The following TECTA variants were observed in gnomAD, a reference collection of about 807,000 sequenced individuals.
TECTA encodes tectorin alpha, also known as alpha-tectorin.
TECTA carries 128 observed loss-of-function variants against 216.8 expected under a neutral mutation model. That is an observed-to-expected ratio of 0.59 (90% CI 0.51 to 0.68). The LOEUF is 0.68. Ranked by LOEUF, TECTA falls within the 30% of genes least tolerant of loss-of-function variation. TECTA has a pLI of 0.00. For missense variants in TECTA, 2,551 were observed against 2,786.2 expected (o/e 0.92, Z 1.90); for synonymous variants, 1,089 against 1,117.1 (o/e 0.97, Z 0.50).
chr11:121,182,092 C>T (rs1947235384), intron 20 of TECTA, among the ~76,000 whole-genome samples: 1 of 152,128 alleles, frequency 6.6e-6, no homozygotes, highest in Non-Finnish European at 1.5e-5. Flanking sequence ...GCCAGATGGG[C>T]CAGTCCTCGG....
At chr11:121,104,704 C>T (rs796989836) in intron 2 of TECTA, among the ~76,000 whole-genome samples, 5 of 152,122 alleles carry the variant, frequency 3.3e-5, no homozygotes, top group African/African-American at 1.2e-4. Flanking sequence ...CCTATTGCTT[C>T]CATCAGCACA....
chr11:121,117,226 T>C (rs1191422088), intron 6 of TECTA, among the ~76,000 whole-genome samples: 3 of 152,242 alleles, frequency 2.0e-5, no homozygotes, highest in East Asian at 3.8e-4. Flanking sequence ...TTTTATAACA[T>C]CGCTGTTCTC....
intron 12 of TECTA, 82 bp downstream of exon 12, chr11:121,146,198 A>T (rs1946837519): frequency 6.5e-7 from 1 of 1,530,754 alleles, no homozygotes; most frequent in Non-Finnish European, 8.9e-7. Context: ...AACTCCCTAG[A>T]AGTCAGAGCA....
chr11:121,147,513 G>T (rs1946849770), intron 12 of TECTA, among the ~76,000 whole-genome samples: 1 of 151,734 alleles, frequency 6.6e-6, no homozygotes, highest in Non-Finnish European at 1.5e-5. Context: ...TGACGGTCCT[G>T]ACAAACCGGC....
At chr11:121,123,518 C>A (rs189263669) in intron 7 of TECTA, among the ~76,000 whole-genome samples, 22 of 152,336 alleles carry the variant, frequency 1.4e-4, no homozygotes, top group African/African-American at 5.3e-4. Context: ...CTAATCTCAA[C>A]TTCCTTCAAT....
Position 121,190,965 on chromosome 11 carries a change from C to T in TECTA, c.*159C>T. On this transcript the variant is annotated 3_prime_UTR_variant, in exon 24 of 24. Transcript: ENST00000392793. ...TGGTCCAAGGTCCAGAAACCAGCGA[C>T]CATCCAAGCTCCTCTTTCAGAGTAT... 1 of 614,894 alleles carries T rather than the reference C, an allele frequency of 1.6e-6. No individual in the cohort carries two copies. The highest frequency in any genetic ancestry group is 1.7e-5 in the South Asian group (1 of 58,342). The allele number at this position is 614,894 out of a possible 1,614,324, so 38.1% of individuals were successfully genotyped here.
chr11:121,150,901 C>T lies in TECTA; in HGVS notation c.4106-1980C>T, dbSNP rs535558686. On this transcript the variant is annotated intron_variant, in intron 12 of 23. Transcript: ENST00000392793. ...CCTCATGATCCACCTGCCTCGGCCTCCCAAAGTGCTGGGATTACAGGCGTG... is the reference window on the plus strand; with the variant it reads ...CCTCATGATCCACCTGCCTCGGCCTTCCAAAGTGCTGGGATTACAGGCGTG... 4.2e-3 allele frequency among the ~76,000 whole-genome samples: 634 copies of T among 152,204 alleles called. 2 individuals carry two copies. Among genetic ancestry groups the T allele is most frequent in the Non-Finnish European group, 6.8e-3 (461 of 68,006 alleles).
chr11:121,159,199 T>TA (rs1359059177), intron 14 of TECTA, among the ~76,000 whole-genome samples: 1 of 152,224 alleles, frequency 6.6e-6, no homozygotes, highest in Non-Finnish European at 1.5e-5. Flanking sequence ...TTTGTGAGCT[T>TA]AAAATGAAGA....
At chr11:121,140,634 G>A (rs369624116) in intron 11 of TECTA, among the ~76,000 whole-genome samples, 26 of 152,280 alleles carry the variant, frequency 1.7e-4, no homozygotes, top group African/African-American at 5.8e-4. Context: ...CACACTCCCC[G>A]TGAGGTCCTC....
intron 6 of TECTA, among the ~76,000 whole-genome samples, chr11:121,115,937 G>C (rs1025573617): frequency 2.0e-5 from 3 of 152,170 alleles, no homozygotes; most frequent in Non-Finnish European, 4.4e-5. Context: ...GATTAAAGGT[G>C]TGAGCCACTG....
At chr11:121,149,907 C>T (rs1271239686) in intron 12 of TECTA, among the ~76,000 whole-genome samples, 2 of 152,152 alleles carry the variant, frequency 1.3e-5, no homozygotes, top group Non-Finnish European at 2.9e-5. Context: ...GTTTCTTAGC[C>T]ATCTGTCATG....
chr11:121,189,024 G>C, intron 21 of TECTA, 56 bp from the exon 22 acceptor site: 1 of 1,577,164 alleles, frequency 6.3e-7, no homozygotes, highest in Non-Finnish European at 8.7e-7. Context: ...ACATGGTGAA[G>C]AATAAGTTAT....
At position 121,168,760 on chromosome 11, in the gene TECTA, C is replaced by A; in HGVS notation, c.5834C>A (p.Pro1945His). Residue 1945 changes from proline (P) to histidine (H), a missense_variant, in exon 20 of 24, where the codon CCT (proline) becomes CAT (histidine). By Grantham distance (77) the Pro-to-His change is moderately conservative. Around this residue, in one of 3 missense-constraint regions of TECTA, gnomAD observed 2,375 missense variants for 2,563.9 expected, o/e 0.93. Coordinates refer to ENST00000392793, the MANE Select transcript of TECTA (RefSeq NM_005422.4). ...TACAAAAACGCCTCCTACAAACATCCTTACCGCCAGGGTGAAGTAGTGTTG... is the reference window on the plus strand; with the variant it reads ...TACAAAAACGCCTCCTACAAACATCATTACCGCCAGGGTGAAGTAGTGTTG... ...ALYKNASYKH[P>H]YRQGEVVLTT... 1 of 1,614,172 alleles carries A rather than the reference C, an allele frequency of 6.2e-7. No homozygotes were observed. Among genetic ancestry groups the A allele is most frequent in the Non-Finnish European group, 8.5e-7 (1 of 1,180,024 alleles).
At chr11:121,182,739 G>C (rs1312510105) in intron 20 of TECTA, among the ~76,000 whole-genome samples, 4 of 152,220 alleles carry the variant, frequency 2.6e-5, no homozygotes, top group African/African-American at 9.6e-5. Context: ...TGCCAGTGGT[G>C]GTGGCAACAC....
At chr11:121,117,705 A>T (rs1198033788) in intron 6 of TECTA, among the ~76,000 whole-genome samples, 1 of 152,190 alleles carries the variant, frequency 6.6e-6, no homozygotes, top group Non-Finnish European at 1.5e-5. Flanking sequence ...ATCCTGCCTA[A>T]GCAGCATCTG....
intron 11 of TECTA, among the ~76,000 whole-genome samples, 190 bp downstream of exon 11, chr11:121,138,212 A>G (rs1209194393): frequency 6.6e-6 from 1 of 152,216 alleles, no homozygotes; most frequent in African/African-American, 2.4e-5. Context: ...CTCAGAGAAA[A>G]AAATGATTTG....
At chr11:121,166,019 T>A (rs1211611921) in intron 17 of TECTA, among the ~76,000 whole-genome samples, 1 of 152,250 alleles carries the variant, frequency 6.6e-6, no homozygotes. Context: ...GGACAAGGGC[T>A]TCACCTAAAC....
chr11:121,175,737 T>C (rs2134204047), intron 20 of TECTA, among the ~76,000 whole-genome samples: 1 of 152,366 alleles, frequency 6.6e-6, no homozygotes, highest in African/African-American at 2.4e-5. Flanking sequence ...GTTCAATTCC[T>C]AGGTATCCTT....
intron 3 of TECTA, among the ~76,000 whole-genome samples, chr11:121,106,266 G>C (rs904676807): frequency 1.3e-5 from 2 of 152,196 alleles, no homozygotes; most frequent in African/African-American, 4.8e-5. Context: ...GCTACTCAAC[G>C]AGATAAAAAG....
Sources: gnomAD v4.1 joint callset for allele counts (sites outside exome capture counted in the v4.1 genomes callset) on GRCh38, gnomAD v4.1.1 for gene constraint, gnomAD v4.1.1 regional missense constraint, MANE v1.5 for transcripts, NCBI Gene and HGNC (gene_info 2026-07-23, HGNC 2026-07-21) for gene names.